The following DSCAM variants were observed in gnomAD, a reference collection of about 807,000 sequenced individuals.
DSCAM encodes cell adhesion molecule DSCAM.
A neutral mutation model predicts 217.7 loss-of-function variants in DSCAM; 47 were observed. The observed-to-expected ratio is 0.22, with a 90% CI of 0.17 to 0.28. DSCAM has a LOEUF of 0.28. DSCAM is among the 10% of genes least tolerant of loss of function. DSCAM has a pLI of 1.00. For synonymous variants in DSCAM, 1,056 were observed against 1,015.3 expected (o/e 1.04, Z -0.76); for missense variants, 2,080 against 2,618.3 (o/e 0.79, Z 4.49).
intron 1 of DSCAM, among the ~76,000 whole-genome samples, chr21:40,736,033 A>C (rs775540346): frequency 3.3e-5 from 5 of 152,182 alleles, no homozygotes; most frequent in Non-Finnish European, 5.9e-5. Context: ...GAACCTATGA[A>C]TCTCCCCTTT....
At chr21:40,632,807 C>T (rs887094260) in intron 3 of DSCAM, among the ~76,000 whole-genome samples, 15 of 152,232 alleles carry the variant, frequency 9.9e-5, no homozygotes, top group Non-Finnish European at 1.2e-4. Flanking sequence ...GGAAGCCCAG[C>T]GCCACTGGAA....
intron 32 of DSCAM, among the ~76,000 whole-genome samples, chr21:40,030,001 C>T (rs371338922): frequency 2.6e-5 from 4 of 152,252 alleles, no homozygotes; most frequent in Admixed American, 6.5e-5. Context: ...CGTGTGCTTG[C>T]GCACACACAT....
intron 3 of DSCAM, among the ~76,000 whole-genome samples, chr21:40,587,981 C>G (rs1045725589): frequency 6.6e-6 from 1 of 152,112 alleles, no homozygotes; most frequent in East Asian, 1.9e-4. Context: ...TGACTTCATG[C>G]GGCCTTGTTT....
chr21:40,468,082 G>A (rs565284415), intron 3 of DSCAM, among the ~76,000 whole-genome samples: 21 of 152,274 alleles, frequency 1.4e-4, no homozygotes, highest in Non-Finnish European at 2.1e-4. Context: ...GGTGCGGGAC[G>A]AAGGACAGAA....
At chr21:40,241,564 T>G (rs1011024128) in intron 11 of DSCAM, among the ~76,000 whole-genome samples, 1 of 152,164 alleles carries the variant, frequency 6.6e-6, no homozygotes, top group African/African-American at 2.4e-5. Context: ...AGTTCAATCA[T>G]TGTGGAAAGC....
At chr21:40,511,375 A>C (rs2076256169) in intron 3 of DSCAM, among the ~76,000 whole-genome samples, 1 of 152,232 alleles carries the variant, frequency 6.6e-6, no homozygotes, top group Non-Finnish European at 1.5e-5. Context: ...AAGTTATTAC[A>C]TTAATTTCTT....
At chr21:40,212,079 C>T (rs1055505164) in intron 11 of DSCAM, among the ~76,000 whole-genome samples, 3 of 151,936 alleles carry the variant, frequency 2.0e-5, no homozygotes, top group Non-Finnish European at 2.9e-5. Flanking sequence ...AAGCATTTCT[C>T]CTGCCTCAGC....
At chr21:40,316,134 G>T (rs1569059389) in intron 8 of DSCAM, among the ~76,000 whole-genome samples, 1 of 151,962 alleles carries the variant, frequency 6.6e-6, no homozygotes, top group Non-Finnish European at 1.5e-5. Flanking sequence ...CCAAAAAAAA[G>T]CCTTTCCAAA....
In DSCAM at chr21:40,087,166, T is replaced by C. The variant is rs1379667422; in HGVS notation, c.3968+4A>G. The C allele has an allele frequency of 1.2e-6, 2 of 1,602,796 alleles. No homozygotes were observed. Among genetic ancestry groups the C allele is most frequent in the East Asian group, 4.5e-5 (2 of 44,810 alleles). ...CTGAAGGCATACATTGGGTTACTGG[T>C]TACCTGTCTTTCATCCATTTGACTG... On this transcript the variant is annotated splice_donor_region_variant and intron_variant, in intron 22 of 32. Coordinates refer to ENST00000400454, the MANE Select transcript of DSCAM (RefSeq NM_001389.5).
At chr21:40,683,661 G>A (rs1432912173) in intron 3 of DSCAM, among the ~76,000 whole-genome samples, 1 of 152,112 alleles carries the variant, frequency 6.6e-6, no homozygotes, top group African/African-American at 2.4e-5. Context: ...GCAGCACGGT[G>A]GGAGGCTAAG....
intron 4 of DSCAM, among the ~76,000 whole-genome samples, chr21:40,357,509 T>A (rs2074706776): frequency 6.6e-6 from 1 of 152,228 alleles, no homozygotes; most frequent in African/African-American, 2.4e-5. Context: ...CTTAACCACA[T>A]GGGATTTTTT....
intron 1 of DSCAM, among the ~76,000 whole-genome samples, chr21:40,795,406 TA>T (rs1261452241): frequency 6.6e-6 from 1 of 152,116 alleles, no homozygotes; most frequent in Non-Finnish European, 1.5e-5. Flanking sequence ...TCACAAGCTA[TA>T]GTGATTCCCC....
At chr21:40,158,391 C>A (rs2090503105) in intron 16 of DSCAM, among the ~76,000 whole-genome samples, 1 of 151,650 alleles carries the variant, frequency 6.6e-6, no homozygotes, top group South Asian at 2.1e-4. Context: ...GAGACCCTGT[C>A]TCAAAACAAA....
At chr21:40,625,929 C>G (rs1473627486) in intron 3 of DSCAM, among the ~76,000 whole-genome samples, 1 of 152,060 alleles carries the variant, frequency 6.6e-6, no homozygotes, top group Non-Finnish European at 1.5e-5. Context: ...CTAGCAGGCT[C>G]TTTTTGAAAT....
chr21:40,498,272 C>T (rs1321159510), intron 3 of DSCAM, among the ~76,000 whole-genome samples: 1 of 151,932 alleles, frequency 6.6e-6, no homozygotes, highest in Admixed American at 6.6e-5. Flanking sequence ...AGCTGAGTAA[C>T]CTTAAAGAGC....
At chr21:40,185,602 G>A (rs573581516) in intron 14 of DSCAM, among the ~76,000 whole-genome samples, 5 of 152,356 alleles carry the variant, frequency 3.3e-5, no homozygotes, top group African/African-American at 9.6e-5. Flanking sequence ...GGCTGTCCCT[G>A]TCCCCACGGT....
At position 40,276,184 on chromosome 21, in the gene DSCAM, C is replaced by G. The variant is rs79723432; in HGVS notation, c.2269G>C (p.Val757Leu). 1,870 of 1,613,420 alleles carry G rather than the reference C, an allele frequency of 1.2e-3. 24 individuals carry two copies. In the African/African-American group the frequency reaches 0.021, roughly 18 times the overall value. Residue 757 changes from valine to leucine, a missense_variant, in exon 11 of 33, where the codon GTG (valine) becomes CTG (leucine). Val to Leu is a conservative substitution (Grantham distance 32). Coordinates refer to ENST00000400454, the MANE Select transcript of DSCAM (RefSeq NM_001389.5). ...AGGTAGTAGCCACTGTCTTCCTCCA[C>G]GACATGCTTGATCAGCAACGACCCA... ...SNGSLLIKHV[V>L]EEDSGYYLCK...
intron 16 of DSCAM, among the ~76,000 whole-genome samples, chr21:40,146,474 T>G (rs2837456): frequency 0.43 from 65,121 of 152,054 alleles, 17,194 homozygotes; most frequent in South Asian, 0.59. Context: ...ATTGATGGAT[T>G]CAGCAAACAC....
At chr21:40,514,048 T>A (rs529125843) in intron 3 of DSCAM, among the ~76,000 whole-genome samples, 1 of 152,210 alleles carries the variant, frequency 6.6e-6, no homozygotes, top group African/African-American at 2.4e-5. Context: ...CCAAGGCCAT[T>A]TGTGTGATCA....
Sources: gnomAD v4.1 joint callset for allele counts (sites outside exome capture counted in the v4.1 genomes callset) on GRCh38, gnomAD v4.1.1 for gene constraint, MANE v1.5 for transcripts, NCBI Gene and HGNC (gene_info 2026-07-23, HGNC 2026-07-21) for gene names.